PLXDC2: variants seen among roughly 807,000 people sequenced by gnomAD.
The protein encoded by PLXDC2 is plexin domain-containing protein 2.
Under a neutral mutation model 68.9 loss-of-function variants are expected in PLXDC2, and 40 were observed. The ratio of observed to expected loss-of-function variants is 0.58; its 90% CI spans 0.45 to 0.76. The LOEUF (loss-of-function observed/expected upper bound fraction) is 0.76, where lower values mean the gene tolerates loss of function less well. Ranked by LOEUF, PLXDC2 falls within the 30% of genes least tolerant of loss-of-function variation. The pLI, the probability that PLXDC2 is intolerant of heterozygous loss-of-function variation, is 0.00. For synonymous variants in PLXDC2, 243 were observed against 234.2 expected (o/e 1.04, Z -0.34); for missense variants, 644 against 661.9 (o/e 0.97, Z 0.30).
rs560122563 is a variant in PLXDC2, at chr10:19,987,624, C to T, written c.113-14151C>T. The stretch of plus-strand genomic sequence containing the variant: ...TCACCCAGGCTGGAGTGCAGTGGCG[C>T]GATCTCGGCTCACTGCAAGCTCAGC... On this transcript the variant is annotated intron_variant, in intron 1 of 13. Transcript: ENST00000377252. 4.6e-5 allele frequency among the ~76,000 whole-genome samples: 7 copies of T among 151,448 alleles called. No individual in the cohort carries two copies. In the South Asian group the frequency reaches 6.3e-4, roughly 14 times the overall value.
intron 1 of PLXDC2, among the ~76,000 whole-genome samples, chr10:19,862,758 C>T (rs563675096): frequency 4.2e-4 from 64 of 152,306 alleles, no homozygotes; most frequent in African/African-American, 1.5e-3. Flanking sequence ...GATCTATTTA[C>T]ACCCTGCCAA....
chr10:20,232,672 C>T (rs371397087), intron 12 of PLXDC2, among the ~76,000 whole-genome samples: 3 of 152,264 alleles, frequency 2.0e-5, no homozygotes, highest in East Asian at 3.9e-4. Context: ...CAAGTAAAAT[C>T]AAGCTAATCT....
intron 12 of PLXDC2, among the ~76,000 whole-genome samples, chr10:20,244,689 C>T (rs1835565014): frequency 6.6e-6 from 1 of 152,138 alleles, no homozygotes; most frequent in Non-Finnish European, 1.5e-5. Flanking sequence ...AATTAATCAG[C>T]TTTTCCATAG....
chr10:20,250,145 G>A (rs111927640), intron 13 of PLXDC2, among the ~76,000 whole-genome samples: 13,499 of 151,870 alleles, frequency 0.089, 671 homozygotes, highest in Middle Eastern at 0.11. Context: ...GTACGTGCCT[G>A]TAATCCCAGG....
intron 4 of PLXDC2, among the ~76,000 whole-genome samples, chr10:20,124,219 AC>A: frequency 6.6e-6 from 1 of 152,256 alleles, no homozygotes; most frequent in East Asian, 1.9e-4. Flanking sequence ...CTAGTCCTTG[AC>A]CGGTGCCAGA....
intron 1 of PLXDC2, among the ~76,000 whole-genome samples, chr10:19,979,381 ATTT>A (rs747330816): frequency 3.5e-5 from 5 of 143,710 alleles, no homozygotes; most frequent in Admixed American, 1.4e-4. Flanking sequence ...AGATAGATAG[ATTT>A]TTTTTTTTTT....
chr10:19,878,852 A>T (rs933141414), intron 1 of PLXDC2, among the ~76,000 whole-genome samples: 1 of 152,194 alleles, frequency 6.6e-6, no homozygotes, highest in East Asian at 1.9e-4. Flanking sequence ...TCTGGGTGTC[A>T]TAGTATTTTA....
At position 20,279,757 on chromosome 10, in the gene PLXDC2, G is replaced by A; in HGVS notation, c.1528G>A (p.Ala510Thr). ...MKFRRGSGHP[A>T]YAEVEPVGEK... ...GTTTAGAAGAGGCTCTGGACATCCT[G>A]CCTATGCTGAAGTTGAACCAGTTGG... The change falls in exon 14 of 14, where the codon GCC becomes ACC. Residue 510 changes from alanine (A) to threonine (T), a missense_variant. By Grantham distance (58) the Ala-to-Thr change is moderately conservative (BLOSUM62 0). Transcript: ENST00000377252. 6.2e-7 allele frequency: 1 copy of A among 1,613,960 alleles called. No individual in the cohort carries two copies. The highest frequency in any genetic ancestry group is 2.2e-5 in the East Asian group (1 of 44,868).
chr10:19,872,936 C>T (rs910118871), intron 1 of PLXDC2, among the ~76,000 whole-genome samples: 2 of 152,150 alleles, frequency 1.3e-5, no homozygotes, highest in African/African-American at 4.8e-5. Flanking sequence ...GGTTCACTCC[C>T]GTTTTCCACA....
intron 4 of PLXDC2, among the ~76,000 whole-genome samples, chr10:20,106,153 CT>C (rs1347843093): frequency 6.6e-6 from 1 of 152,138 alleles, no homozygotes; most frequent in Non-Finnish European, 1.5e-5. Context: ...GAGGAACTTC[CT>C]TGTGTTTTAC....
Position 20,113,005 on chromosome 10 carries a change from C to T in PLXDC2, c.542-30290C>T, listed in dbSNP as rs947734840. On this transcript the variant is annotated intron_variant, in intron 4 of 13. Coordinates refer to ENST00000377252, the MANE Select transcript of PLXDC2 (RefSeq NM_032812.9). Reference sequence around the variant, plus strand: ...CCAGTGTGTGTTCATGCATCTTCATCTTATCAGGTACAGAGATGCAAATTC... The same window carrying T: ...CCAGTGTGTGTTCATGCATCTTCATTTTATCAGGTACAGAGATGCAAATTC... 4.6e-5 allele frequency among the ~76,000 whole-genome samples: 7 copies of T among 152,314 alleles called. 1 individual carries two copies.
At chr10:20,029,248 G>A (rs1441061775) in intron 2 of PLXDC2, among the ~76,000 whole-genome samples, 1 of 152,140 alleles carries the variant, frequency 6.6e-6, no homozygotes, top group Non-Finnish European at 1.5e-5. Flanking sequence ...GTTTGGAAAA[G>A]AGATATTTGA....
chr10:20,178,126 C>T (rs1351462148), intron 9 of PLXDC2, among the ~76,000 whole-genome samples: 1 of 152,050 alleles, frequency 6.6e-6, no homozygotes, highest in Non-Finnish European at 1.5e-5. Context: ...AATTTCTATG[C>T]AATATCTCAA....
At chr10:19,819,185 C>T (rs950571179) in intron 1 of PLXDC2, among the ~76,000 whole-genome samples, 2 of 152,064 alleles carry the variant, frequency 1.3e-5, no homozygotes, top group Non-Finnish European at 2.9e-5. Context: ...TTAAAATGTT[C>T]AACATCAGTG....
intron 4 of PLXDC2, among the ~76,000 whole-genome samples, chr10:20,088,110 C>A (rs904046371): frequency 6.6e-6 from 1 of 152,096 alleles, no homozygotes. Flanking sequence ...AGTGAACATT[C>A]AAATACTTCA....
intron 2 of PLXDC2, among the ~76,000 whole-genome samples, chr10:20,036,204 T>C (rs1835574512): frequency 6.6e-6 from 1 of 152,116 alleles, no homozygotes; most frequent in Non-Finnish European, 1.5e-5. Flanking sequence ...ATTGTGACTG[T>C]ATTTGGAATC....
intron 13 of PLXDC2, among the ~76,000 whole-genome samples, chr10:20,279,095 C>G (rs1836047447): frequency 6.6e-6 from 1 of 152,074 alleles, no homozygotes. Context: ...ATAATAGATT[C>G]CATTTTTAGG....
At chr10:19,940,623 T>C (rs1209975852) in intron 1 of PLXDC2, among the ~76,000 whole-genome samples, 1 of 151,876 alleles carries the variant, frequency 6.6e-6, no homozygotes, top group Non-Finnish European at 1.5e-5. Context: ...TAAATCATCA[T>C]TGTCTCCTTG....
chr10:20,128,096 C>G (rs1277342067), intron 4 of PLXDC2, among the ~76,000 whole-genome samples: 3 of 152,126 alleles, frequency 2.0e-5, no homozygotes, highest in Non-Finnish European at 4.4e-5. Flanking sequence ...AAAGGCTGCC[C>G]TGCAGGGAGC....
Sources: allele counts gnomAD v4.1 joint callset (sites outside exome capture counted in the v4.1 genomes callset), GRCh38; gene constraint gnomAD v4.1.1; transcripts MANE v1.5; gene names NCBI Gene and HGNC (gene_info 2026-07-23, HGNC 2026-07-21).